Variants in LRMDA observed in about 807,000 individuals in gnomAD.
LRMDA encodes the protein leucine-rich melanocyte differentiation-associated protein.
Under a neutral mutation model 29.8 loss-of-function variants are expected in LRMDA, and 18 were observed. That is an observed-to-expected ratio of 0.60 (90% confidence interval 0.42 to 0.90). The LOEUF (loss-of-function observed/expected upper bound fraction) is 0.90, where lower values mean the gene tolerates loss of function less well. LRMDA is among the 40% of genes least tolerant of loss of function. The pLI, the probability that LRMDA is intolerant of heterozygous loss-of-function variation, is 0.00. For missense variants in LRMDA, 273 were observed against 273.9 expected (o/e 1.00, Z 0.02); for synonymous variants, 125 against 109.4 (o/e 1.14, Z -0.89).
At chr10:76,277,363 G>C (rs1429763789) in intron 5 of LRMDA, among the ~76,000 whole-genome samples, 1 of 152,178 alleles carries the variant, frequency 6.6e-6, no homozygotes, top group African/African-American at 2.4e-5. Flanking sequence ...ATTTTGTGCA[G>C]TGTTTAGTTG....
At chr10:76,311,911 C>T (rs1171479310) in intron 5 of LRMDA, among the ~76,000 whole-genome samples, 1 of 152,138 alleles carries the variant, frequency 6.6e-6, no homozygotes, top group Non-Finnish European at 1.5e-5. Context: ...GCAGTGGTGC[C>T]CTGCCACCTG....
chr10:76,109,975 A>G (rs941427173), intron 5 of LRMDA, among the ~76,000 whole-genome samples: 7 of 152,108 alleles, frequency 4.6e-5, no homozygotes, highest in Non-Finnish European at 8.8e-5. Context: ...CTCGGGCTGT[A>G]CTTTCTTTCT....
At chr10:76,205,541 G>A (rs533784434) in intron 5 of LRMDA, among the ~76,000 whole-genome samples, 1 of 152,288 alleles carries the variant, frequency 6.6e-6, no homozygotes, top group Admixed American at 6.5e-5. Context: ...TGGGAAATTT[G>A]GGTCAGATGT....
chr10:76,253,143 T>A (rs1852517053), intron 5 of LRMDA, among the ~76,000 whole-genome samples: 1 of 152,162 alleles, frequency 6.6e-6, no homozygotes, highest in African/African-American at 2.4e-5. Flanking sequence ...GAAATTGAGT[T>A]TTCAGATCTA....
intron 4 of LRMDA, among the ~76,000 whole-genome samples, chr10:76,051,385 G>A (rs1011150478): frequency 7.2e-5 from 11 of 152,340 alleles, no homozygotes; most frequent in South Asian, 2.1e-4. Flanking sequence ...ACATGCTGCC[G>A]GTGAACTGTG....
At chr10:75,733,738 A>G (rs1200368470) in intron 2 of LRMDA, among the ~76,000 whole-genome samples, 1 of 152,220 alleles carries the variant, frequency 6.6e-6, no homozygotes, top group African/African-American at 2.4e-5. Flanking sequence ...GAAGGGAAGC[A>G]GTTTTCCCTC....
At chr10:76,398,265 G>A (rs986813845) in intron 6 of LRMDA, among the ~76,000 whole-genome samples, 7 of 152,090 alleles carry the variant, frequency 4.6e-5, no homozygotes, top group African/African-American at 7.2e-5. Context: ...AGACACTGAC[G>A]TCCCCCTCCC....
chr10:75,572,471 T>C (rs1000176158), intron 2 of LRMDA, among the ~76,000 whole-genome samples: 1 of 152,154 alleles, frequency 6.6e-6, no homozygotes, highest in South Asian at 2.1e-4. Flanking sequence ...GAGTGCTCAA[T>C]AGATATTTGT....
intron 2 of LRMDA, among the ~76,000 whole-genome samples, chr10:75,830,403 T>C (rs1844319706): frequency 6.6e-6 from 1 of 152,214 alleles, no homozygotes; most frequent in Non-Finnish European, 1.5e-5. Flanking sequence ...ATGCTGCTGA[T>C]AAAGACATAC....
intron 5 of LRMDA, among the ~76,000 whole-genome samples, chr10:76,115,312 T>C (rs2164369): frequency 0.55 from 83,520 of 152,210 alleles, 24,144 homozygotes; most frequent in East Asian, 0.74. Flanking sequence ...CAAGCACAGA[T>C]GTGCGATTCC....
At chr10:76,005,179 C>A (rs73279678) in intron 2 of LRMDA, among the ~76,000 whole-genome samples, 74 of 152,210 alleles carry the variant, frequency 4.9e-4, no homozygotes, top group African/African-American at 1.7e-3. Flanking sequence ...TTTTGTTTAT[C>A]TTCTCCCTAA....
In LRMDA at chr10:76,037,877, G is replaced by A. The variant is rs1026937949; in HGVS notation, c.258+1743G>A. On this transcript the variant is annotated intron_variant, in intron 3 of 6. Transcript: ENST00000611255. ...TAGTATTATAAATATGCTCCTTGTG[G>A]TCATTATTGTCACTTTGATAGAAGT... 3.3e-4 allele frequency among the ~76,000 whole-genome samples: 50 copies of A among 152,140 alleles called. 1 individual carries two copies. The highest frequency in any genetic ancestry group is 3.2e-3 in the Admixed American group (49 of 15,288).
intron 6 of LRMDA, among the ~76,000 whole-genome samples, chr10:76,482,353 A>C (rs1281993348): frequency 3.3e-5 from 5 of 151,990 alleles, no homozygotes; most frequent in South Asian, 2.1e-4. Flanking sequence ...TGTCTTCATT[A>C]TCTCTGCCCA....
chr10:75,690,977 A>AT (rs1842137466), intron 2 of LRMDA, among the ~76,000 whole-genome samples: 3 of 96,194 alleles, frequency 3.1e-5, no homozygotes, highest in East Asian at 7.9e-4. Context: ...CTTAAAAAAA[A>AT]AATATATATA....
chr10:76,376,196 T>A (rs1424947664), intron 6 of LRMDA, among the ~76,000 whole-genome samples: 2 of 152,178 alleles, frequency 1.3e-5, no homozygotes, highest in African/African-American at 4.8e-5. Flanking sequence ...TTCCATTTTG[T>A]ATATCTATGC....
intron 2 of LRMDA, among the ~76,000 whole-genome samples, chr10:75,887,615 C>T (rs1845412544): frequency 6.6e-6 from 1 of 152,056 alleles, no homozygotes; most frequent in Admixed American, 6.5e-5. Flanking sequence ...CTGTGACTGT[C>T]TTTGAGCTGC....
chr10:75,672,998 T>C (rs1369547695), intron 2 of LRMDA, among the ~76,000 whole-genome samples: 1 of 151,954 alleles, frequency 6.6e-6, no homozygotes, highest in African/African-American at 2.4e-5. Flanking sequence ...CTATAATTCC[T>C]TTTAAGAAAG....
intron 2 of LRMDA, among the ~76,000 whole-genome samples, chr10:75,562,002 A>C (rs1840303030): frequency 6.6e-6 from 1 of 152,030 alleles, no homozygotes; most frequent in African/African-American, 2.4e-5. Context: ...AAAAATGTAT[A>C]TTCTGTTGAT....
chr10:76,431,080 G>A (rs886765134), intron 6 of LRMDA, among the ~76,000 whole-genome samples: 7 of 152,114 alleles, frequency 4.6e-5, no homozygotes, highest in African/African-American at 1.7e-4. Context: ...ACAGTTCAAG[G>A]CTTTGGTTTC....
Sources: allele counts gnomAD v4.1 joint callset (sites outside exome capture counted in the v4.1 genomes callset), GRCh38; gene constraint gnomAD v4.1.1; transcripts MANE v1.5; gene names NCBI Gene and HGNC (gene_info 2026-07-23, HGNC 2026-07-21).